Variants in SFMBT2 observed in about 807,000 individuals in gnomAD.
SFMBT2 encodes the protein Scm like with four mbt domains 2.
SFMBT2 carries 38 observed loss-of-function variants against 110.1 expected under a neutral mutation model. That is an observed-to-expected ratio of 0.35 (90% CI 0.27 to 0.45). The LOEUF (loss-of-function observed/expected upper bound fraction) is 0.45. Among genes scored for constraint, SFMBT2 ranks in the 20% least tolerant of loss-of-function variants. The pLI is 1.00. For missense variants in SFMBT2, 1,011 were observed against 1,094.9 expected, an observed-to-expected ratio of 0.92 and a Z score of 1.08; for synonymous variants, 425 against 425.4, an observed-to-expected ratio of 1.00 and a Z score of 0.01.
chr10:7,389,164 G>C (rs1845701985), intron 1 of SFMBT2, among the ~76,000 whole-genome samples: 2 of 152,142 alleles, frequency 1.3e-5, no homozygotes, highest in African/African-American at 2.4e-5. Context: ...GATAATTCTT[G>C]GGGAAACCTA....
chr10:7,269,562 T>G (rs374800434), intron 7 of SFMBT2, among the ~76,000 whole-genome samples: 1 of 152,250 alleles, frequency 6.6e-6, no homozygotes, highest in African/African-American at 2.4e-5. Flanking sequence ...GCTATGGCAA[T>G]TTTCCATAAC....
intron 4 of SFMBT2, among the ~76,000 whole-genome samples, chr10:7,335,982 G>A (rs1843709160): frequency 6.6e-6 from 1 of 152,100 alleles, no homozygotes; most frequent in Non-Finnish European, 1.5e-5. Flanking sequence ...TACCTCAAAG[G>A]AAGGACAAAC....
chr10:7,199,957 T>C (rs553308031), intron 14 of SFMBT2, among the ~76,000 whole-genome samples: 3 of 152,342 alleles, frequency 2.0e-5, no homozygotes, highest in Admixed American at 1.3e-4. Context: ...AAAAAACATA[T>C]ATTATTCACA....
At chr10:7,396,358 A>C (rs1315623702) in intron 1 of SFMBT2, among the ~76,000 whole-genome samples, 1 of 152,236 alleles carries the variant, frequency 6.6e-6, no homozygotes, top group Non-Finnish European at 1.5e-5. Flanking sequence ...AGTGAATTTA[A>C]GACTTTTCTG....
chr10:7,409,776 T>C (rs1282774707), intron 1 of SFMBT2, among the ~76,000 whole-genome samples: 8 of 151,866 alleles, frequency 5.3e-5, no homozygotes, highest in African/African-American at 9.7e-5. Context: ...CCTCAAAACC[T>C]TTATTTTCAG....
At chr10:7,273,090 C>G (rs1841650318) in intron 7 of SFMBT2, among the ~76,000 whole-genome samples, 1 of 152,200 alleles carries the variant, frequency 6.6e-6, no homozygotes, top group African/African-American at 2.4e-5. Context: ...CCACCAACGC[C>G]CCAGCCAAAA....
rs528853661 is a variant in SFMBT2 at position 7,320,576 on chromosome 10, A to G, written c.437-34622T>C. The G allele has an allele frequency of 9.5e-5, 94 of 984,464 alleles. No individual in the cohort carries two copies. The African/African-American group carries it at 1.5e-3, about 16-fold the overall frequency. 61.0% of individuals were successfully genotyped at this position (984,464 alleles called of 1,614,324 possible). A position where few individuals can be genotyped will look rare whatever the true frequency, so the allele number is the denominator to read the frequency against. Reference sequence around the variant, plus strand: ...AGTAAGATCAACAATTGCAGAGAACAGTAAAGTCACACCTGCTGAGAGCCA... The same window carrying G: ...AGTAAGATCAACAATTGCAGAGAACGGTAAAGTCACACCTGCTGAGAGCCA... On this transcript the variant is annotated intron_variant, in intron 4 of 20. Transcript: ENST00000397167.
At chr10:7,405,561 G>A (rs758838890) in intron 1 of SFMBT2, among the ~76,000 whole-genome samples, 7 of 152,192 alleles carry the variant, frequency 4.6e-5, no homozygotes, top group Non-Finnish European at 8.8e-5. Flanking sequence ...GTTGCACATG[G>A]ATGTCACCTA....
chr10:7,176,701 G>T (rs552379019), intron 16 of SFMBT2: 1 of 157,404 alleles, frequency 6.4e-6, no homozygotes, highest in South Asian at 2.0e-4. Context: ...AATGGTGATA[G>T]GTAAGCAAGG....
intron 20 of SFMBT2, among the ~76,000 whole-genome samples, chr10:7,164,854 T>C (rs1837656362): frequency 6.6e-6 from 1 of 151,910 alleles, no homozygotes; most frequent in African/African-American, 2.4e-5. Flanking sequence ...GTTGCCCCAC[T>C]GTGTCCTGCC....
chr10:7,287,291 A>G lies in SFMBT2; in HGVS notation c.437-1337T>C, dbSNP rs984385515. 6.9e-5 allele frequency: 11 copies of G among 159,258 alleles called. No individual in the cohort carries two copies. In the East Asian group the frequency reaches 2.1e-3, roughly 31 times the overall value. The allele number at this position is 159,258 out of a possible 1,614,324, so 9.9% of individuals were successfully genotyped here. Reference sequence around the variant, plus strand: ...AGACGGGGTTTCACCGTGTTAGCCAAGATGGTCTCGATCTCCTGACCTCGT... The same window carrying G: ...AGACGGGGTTTCACCGTGTTAGCCAGGATGGTCTCGATCTCCTGACCTCGT... On this transcript the variant is annotated intron_variant, in intron 4 of 20. Coordinates refer to ENST00000397167, the MANE Select transcript of SFMBT2 (RefSeq NM_001387889.1).
intron 7 of SFMBT2, among the ~76,000 whole-genome samples, chr10:7,275,423 G>A (rs983532170): frequency 6.6e-6 from 1 of 152,072 alleles, no homozygotes; most frequent in Non-Finnish European, 1.5e-5. Context: ...ATTAAAGGCT[G>A]TTTCTCTTCA....
At chr10:7,328,070 T>G (rs1843451155) in intron 4 of SFMBT2, among the ~76,000 whole-genome samples, 1 of 152,246 alleles carries the variant, frequency 6.6e-6, no homozygotes, top group Non-Finnish European at 1.5e-5. Context: ...TTTCCCATTT[T>G]GCATGGGATC....
In SFMBT2 at chr10:7,176,532, C is replaced by T. The variant is rs996413908; in HGVS notation, c.1809-367G>A. ...CGAATGGGTATTTTCCTGTTGCTAT[C>T]ATATTTCATTTTTGAAAAATGTGAG... On this transcript the variant is annotated intron_variant, in intron 16 of 20. Coordinates refer to ENST00000397167, the MANE Select transcript of SFMBT2 (RefSeq NM_001387889.1). 2.4e-5 allele frequency: 24 copies of T among 985,090 alleles called. No individual in the cohort carries two copies. In the African/African-American group the frequency reaches 4.2e-4, roughly 17 times the overall value. The allele number at this position is 985,090 out of a possible 1,614,324, so 61.0% of individuals were successfully genotyped here. A position where few individuals can be genotyped will look rare whatever the true frequency, so the allele number is the denominator to read the frequency against.
chr10:7,288,219 C>T (rs1405080695), intron 4 of SFMBT2, among the ~76,000 whole-genome samples: 3 of 152,154 alleles, frequency 2.0e-5, no homozygotes, highest in Non-Finnish European at 4.4e-5. Flanking sequence ...TCAACATCCG[C>T]CCACGCACAA....
rs1841321937 is a variant in SFMBT2 at position 7,264,515 on chromosome 10, T to C, written c.870+12377A>G. On this transcript the variant is annotated intron_variant, in intron 7 of 20. Transcript: ENST00000397167. ...ATCATGACCTTGGATCCCTGTAACCTCCATGAGGTACAGATTCTGATTAGG... is the reference window on the plus strand; with the variant it reads ...ATCATGACCTTGGATCCCTGTAACCCCCATGAGGTACAGATTCTGATTAGG... Among the ~76,000 whole-genome samples the C allele has an allele frequency of 3.3e-5, 5 of 152,138 alleles. No homozygotes were observed. In the South Asian group the frequency reaches 1.0e-3, roughly 32 times the overall value.
chr10:7,318,420 G>A (rs1394193070), intron 4 of SFMBT2, among the ~76,000 whole-genome samples: 1 of 152,052 alleles, frequency 6.6e-6, no homozygotes, highest in Non-Finnish European at 1.5e-5. Context: ...CACCTCTTTG[G>A]AGGTGATATT....
At chr10:7,355,754 G>A (rs2132023169) in intron 4 of SFMBT2, among the ~76,000 whole-genome samples, 1 of 152,334 alleles carries the variant, frequency 6.6e-6, no homozygotes, top group South Asian at 2.1e-4. Flanking sequence ...AGAGGCTGCA[G>A]TAAGCCGAGA....
chr10:7,406,131 C>A (rs1445918232), intron 1 of SFMBT2, among the ~76,000 whole-genome samples: 4 of 151,784 alleles, frequency 2.6e-5, no homozygotes, highest in African/African-American at 4.8e-5. Context: ...GACCACTGCA[C>A]CCATGAACCT....
Sources: allele counts gnomAD v4.1 joint callset (sites outside exome capture counted in the v4.1 genomes callset), GRCh38; gene constraint gnomAD v4.1.1; transcripts MANE v1.5; gene names NCBI Gene and HGNC (gene_info 2026-07-23, HGNC 2026-07-21).